Variants in SPICE1 observed in about 807,000 individuals in gnomAD.
SPICE1 encodes spindle and centriole-associated protein 1.
A neutral mutation model predicts 102.7 loss-of-function variants in SPICE1; 75 were observed. That is an observed-to-expected ratio of 0.73 (90% CI 0.61 to 0.88). SPICE1 has a LOEUF of 0.88. Ranked by LOEUF, SPICE1 falls within the 40% of genes least tolerant of loss-of-function variation. SPICE1 has a pLI of 0.00. For missense variants in SPICE1, 979 were observed against 1,020.1 expected, an observed-to-expected ratio of 0.96 and a Z score of 0.55; for synonymous variants, 308 against 350.3, an observed-to-expected ratio of 0.88 and a Z score of 1.35.
intron 11 of SPICE1, among the ~76,000 whole-genome samples, chr3:113,463,022 C>T (rs938113054): frequency 1.1e-4 from 16 of 152,210 alleles, no homozygotes; most frequent in African/African-American, 3.6e-4. Flanking sequence ...ACCAGTCACA[C>T]TCCCACCGCA....
intron 11 of SPICE1, among the ~76,000 whole-genome samples, chr3:113,463,036 C>A (rs1212085012): frequency 6.6e-6 from 1 of 152,176 alleles, no homozygotes; most frequent in Non-Finnish European, 1.5e-5. Context: ...CACCGCAAGA[C>A]CTTCGCACTT....
chr3:113,448,006 T>G, intron 16 of SPICE1, 32 bp downstream of exon 16: 1 of 1,553,780 alleles, frequency 6.4e-7, no homozygotes, highest in Non-Finnish European at 8.7e-7. Flanking sequence ...TTTGATTTTT[T>G]TTTTTAAATA....
chr3:113,482,982 A>G (rs1392245865), intron 7 of SPICE1, among the ~76,000 whole-genome samples: 1 of 152,178 alleles, frequency 6.6e-6, no homozygotes, highest in African/African-American at 2.4e-5. Flanking sequence ...TTGAATCTAT[A>G]AATTACTTTG....
intron 12 of SPICE1, among the ~76,000 whole-genome samples, chr3:113,457,836 T>A (rs1434943045): frequency 2.0e-5 from 3 of 152,104 alleles, no homozygotes; most frequent in African/African-American, 4.8e-5. Flanking sequence ...TTTTTTGTAT[T>A]CGTTGTAAAG....
At chr3:113,497,177 C>T (rs1011828257) in intron 4 of SPICE1, among the ~76,000 whole-genome samples, 2 of 152,172 alleles carry the variant, frequency 1.3e-5, no homozygotes, top group African/African-American at 4.8e-5. Context: ...CTGTTTCCTG[C>T]TGGCTGGCAT....
At chr3:113,506,747 T>A (rs527795719) in intron 1 of SPICE1, 142 bp from the exon 2 acceptor site, 33 of 610,240 alleles carry the variant, frequency 5.4e-5, no homozygotes, top group Admixed American at 1.5e-4. Flanking sequence ...GAACAGCCTA[T>A]CAAAATACTT....
At chr3:113,487,644 G>A (rs760868069) in intron 7 of SPICE1, among the ~76,000 whole-genome samples, 20 of 152,222 alleles carry the variant, frequency 1.3e-4, no homozygotes, top group South Asian at 2.1e-4. Context: ...AAGAAGATAC[G>A]TTAAAAGGAC....
intron 7 of SPICE1, among the ~76,000 whole-genome samples, chr3:113,481,722 C>T (rs960009539): frequency 1.3e-5 from 2 of 152,168 alleles, no homozygotes; most frequent in East Asian, 3.8e-4. Flanking sequence ...CCAGCTTCAT[C>T]CATGTCCCTG....
At chr3:113,464,745 A>G (rs1281238420) in intron 11 of SPICE1, among the ~76,000 whole-genome samples, 2 of 152,342 alleles carry the variant, frequency 1.3e-5, no homozygotes, top group South Asian at 2.1e-4. Context: ...AGTCTCAGTA[A>G]CAAGTACACA....
At chr3:113,476,393 C>G (rs1321735591) in intron 7 of SPICE1, among the ~76,000 whole-genome samples, 2 of 151,212 alleles carry the variant, frequency 1.3e-5, no homozygotes, top group African/African-American at 2.5e-5. Flanking sequence ...CCATCCCCAT[C>G]AAGCTACCAA....
chr3:113,449,825 G>A (rs58551767), intron 15 of SPICE1: 3,990 of 154,670 alleles, frequency 0.026, 64 homozygotes, highest in East Asian at 0.054. Context: ...TACATACTTC[G>A]TTTCATCAGT....
chr3:113,447,779 T>C (rs749679227), intron 16 of SPICE1, among the ~76,000 whole-genome samples: 1 of 152,180 alleles, frequency 6.6e-6, no homozygotes, highest in Non-Finnish European at 1.5e-5. Context: ...ATCTCCTAAT[T>C]TTGTAACCCG....
At chr3:113,479,046 A>G (rs1311595733) in intron 7 of SPICE1, among the ~76,000 whole-genome samples, 1 of 151,874 alleles carries the variant, frequency 6.6e-6, no homozygotes, top group Non-Finnish European at 1.5e-5. Context: ...ACATATGTAT[A>G]CATGTGCCAT....
At chr3:113,450,272 G>T in intron 15 of SPICE1, 64 bp downstream of exon 15, 1 of 1,595,326 alleles carries the variant, frequency 6.3e-7, no homozygotes, top group Non-Finnish European at 8.6e-7. Flanking sequence ...ATATAAACTT[G>T]CAAAATCAAG....
At chr3:113,484,122 G>T (rs933735731) in intron 7 of SPICE1, among the ~76,000 whole-genome samples, 1 of 152,138 alleles carries the variant, frequency 6.6e-6, no homozygotes, top group Admixed American at 6.5e-5. Context: ...TATGTGTCCA[G>T]GAATTTATCC....
intron 7 of SPICE1, among the ~76,000 whole-genome samples, chr3:113,488,209 T>G (rs1387581574): frequency 6.6e-6 from 1 of 152,226 alleles, no homozygotes; most frequent in African/African-American, 2.4e-5. Flanking sequence ...ACTGTGATTT[T>G]ATCTGAATGA....
intron 12 of SPICE1, among the ~76,000 whole-genome samples, chr3:113,459,032 A>C (rs1024156792): frequency 6.6e-6 from 1 of 152,216 alleles, no homozygotes; most frequent in Non-Finnish European, 1.5e-5. Context: ...GTCTGTGTAG[A>C]AAGAAGTAGA....
rs1227800901 is a variant in SPICE1 at position 113,460,674 on chromosome 3, G to A, written c.1378C>T (p.Gln460Ter). The change falls in exon 12 of 18, where the codon CAA (glutamine) becomes TAA (stop). Residue 460 changes from glutamine (Q) to a stop codon, truncating the protein, a stop_gained. Transcript: ENST00000295872. LOFTEE classifies it high-confidence loss of function. ...CCGCTTTCTGATGCCTGAATTTCTT[G>A]TCTGTTATTTATCACAGGACAGTTC... The part of the protein sequence containing the change: ...IKNCPVINNR[Q>*]EIQASESGAT... 6.2e-7 allele frequency: 1 copy of A among 1,613,680 alleles called. No homozygotes were observed. The highest frequency in any genetic ancestry group is 2.2e-5 in the East Asian group (1 of 44,818).
intron 3 of SPICE1, among the ~76,000 whole-genome samples, chr3:113,501,568 A>G (rs1937008780): frequency 6.6e-6 from 1 of 152,212 alleles, no homozygotes; most frequent in Admixed American, 6.5e-5. Flanking sequence ...CTCAACAATA[A>G]AAGCACAAAT....
Sources: allele counts gnomAD v4.1 joint callset (sites outside exome capture counted in the v4.1 genomes callset), GRCh38; gene constraint gnomAD v4.1.1; transcripts MANE v1.5; gene names NCBI Gene and HGNC (gene_info 2026-07-23, HGNC 2026-07-21).